Variants in JAK2 observed in about 807,000 individuals in gnomAD.
The protein encoded by JAK2 is Janus kinase 2.
Under a neutral mutation model 139.3 loss-of-function variants are expected in JAK2, and 86 were observed. The ratio of observed to expected loss-of-function variants is 0.62; its 90% confidence interval spans 0.52 to 0.74. The LOEUF (loss-of-function observed/expected upper bound fraction) is 0.74. Ranked by LOEUF, JAK2 falls within the 30% of genes least tolerant of loss-of-function variation. The probability of loss-of-function intolerance (pLI) is 0.00; values close to 1 mark genes in which losing one functional copy is unlikely to be tolerated. For missense variants in JAK2, 1,421 were observed against 1,360.3 expected (o/e 1.04, Z -0.70); for synonymous variants, 490 against 437.7 (o/e 1.12, Z -1.49).
intron 2 of JAK2, among the ~76,000 whole-genome samples, chr9:5,009,246 A>G (rs553457760): frequency 1.3e-5 from 2 of 152,180 alleles, no homozygotes; most frequent in African/African-American, 4.8e-5. Flanking sequence ...CGATCCATTT[A>G]TTTATTTCTA....
intron 2 of JAK2, among the ~76,000 whole-genome samples, chr9:4,993,474 A>G (rs1465916740): frequency 6.6e-6 from 1 of 152,220 alleles, no homozygotes; most frequent in Non-Finnish European, 1.5e-5. Flanking sequence ...AGCTAGAAGA[A>G]GCCAAATTGC....
chr9:4,997,147 G>A (rs567246178), intron 2 of JAK2, among the ~76,000 whole-genome samples: 1 of 151,920 alleles, frequency 6.6e-6, no homozygotes, highest in African/African-American at 2.4e-5. Flanking sequence ...ACTCAGTCTG[G>A]TCTTGAACTC....
intron 22 of JAK2, chr9:5,097,968 C>T (rs1004939264): frequency 1.2e-4 from 18 of 152,118 alleles, no homozygotes; most frequent in South Asian, 4.1e-4. Flanking sequence ...TCCGGTATGC[C>T]GCAACGTTAT....
At chr9:5,088,167 A>C (rs1820279704) in intron 19 of JAK2, among the ~76,000 whole-genome samples, 1 of 152,092 alleles carries the variant, frequency 6.6e-6, no homozygotes. Context: ...GTCCGCGGTC[A>C]CAGAGAGAGC....
rs531817751 is a variant in JAK2 at position 5,054,510 on chromosome 9, T to A, written c.615-53T>A. On this transcript the variant is annotated intron_variant, in intron 6 of 24. Transcript: ENST00000381652. The surrounding 1 kb of genome is among the most constrained non-coding windows in gnomAD (Gnocchi z 4.9). ...ACTTCTTTTTCAATTTTTAGATTTA[T>A]CTTCCAATTTTTGTTTTGTTTTGTT... is the stretch of plus-strand genomic sequence containing the variant. The A allele has an allele frequency of 1.4e-6, 2 of 1,410,780 alleles. No homozygotes were observed. Among genetic ancestry groups the A allele is most frequent in the Admixed American group, 4.5e-5 (2 of 44,426 alleles). 87.4% of individuals were successfully genotyped at this position (1,410,780 alleles called of 1,614,324 possible).
At chr9:5,116,760 G>A (rs1586831336) in intron 22 of JAK2, among the ~76,000 whole-genome samples, 1 of 152,174 alleles carries the variant, frequency 6.6e-6, no homozygotes. Context: ...AAAAGGAAAA[G>A]TTTGACGTGA....
intron 5 of JAK2, among the ~76,000 whole-genome samples, chr9:5,045,981 T>C (rs1816980165): frequency 6.6e-6 from 1 of 152,212 alleles, no homozygotes; most frequent in Non-Finnish European, 1.5e-5. Flanking sequence ...CTGTAGTGGC[T>C]GCACTATTTT....
At chr9:5,105,558 C>T (rs1821885228) in intron 22 of JAK2, among the ~76,000 whole-genome samples, 1 of 152,138 alleles carries the variant, frequency 6.6e-6, no homozygotes, top group Non-Finnish European at 1.5e-5. Context: ...GAACTGGAAA[C>T]AACTACTTTC....
chr9:5,043,218 G>A (rs1816747563), intron 4 of JAK2, among the ~76,000 whole-genome samples: 1 of 152,222 alleles, frequency 6.6e-6, no homozygotes, highest in South Asian at 2.1e-4. Flanking sequence ...GCCCAGGGCG[G>A]TGGCCGTGAG....
chr9:5,052,436 G>A (rs1054829991), intron 6 of JAK2, among the ~76,000 whole-genome samples: 1 of 151,966 alleles, frequency 6.6e-6, no homozygotes, highest in African/African-American at 2.4e-5. Flanking sequence ...TTTAAAAATA[G>A]TGTAGATATT....
At chr9:4,995,206 A>T (rs546959457) in intron 2 of JAK2, among the ~76,000 whole-genome samples, 2 of 152,060 alleles carry the variant, frequency 1.3e-5, no homozygotes, top group Non-Finnish European at 2.9e-5. Context: ...ATCTTGGCCC[A>T]CTTTCTATTG....
At chr9:5,088,780 G>A (rs1820323805) in intron 19 of JAK2, among the ~76,000 whole-genome samples, 1 of 152,202 alleles carries the variant, frequency 6.6e-6, no homozygotes, top group Non-Finnish European at 1.5e-5. Flanking sequence ...GGGAGAGAGA[G>A]ATTGCTCTAA....
At chr9:5,067,505 AT>A (rs1818650745) in intron 10 of JAK2, among the ~76,000 whole-genome samples, 1 of 152,082 alleles carries the variant, frequency 6.6e-6, no homozygotes, top group African/African-American at 2.4e-5. Flanking sequence ...TGCAACTTAT[AT>A]TTGGCATATG....
At chr9:4,993,048 CA>C (rs1167694455) in intron 2 of JAK2, among the ~76,000 whole-genome samples, 7 of 152,276 alleles carry the variant, frequency 4.6e-5, no homozygotes, top group Admixed American at 4.6e-4. Flanking sequence ...CTCCAGAGTC[CA>C]AAGGCCCCCT....
chr9:4,987,308 A>C (rs1411735179), intron 2 of JAK2, among the ~76,000 whole-genome samples: 2 of 152,160 alleles, frequency 1.3e-5, no homozygotes, highest in Non-Finnish European at 2.9e-5. Context: ...AGATATGGGA[A>C]GGGAATATGA....
At chr9:5,026,895 T>C (rs988291886) in intron 3 of JAK2, among the ~76,000 whole-genome samples, 1 of 152,248 alleles carries the variant, frequency 6.6e-6, no homozygotes, top group Non-Finnish European at 1.5e-5. Context: ...TAAGTTGATA[T>C]TTAAAATTTT....
At chr9:5,086,285 G>T (rs1367531132) in intron 19 of JAK2, among the ~76,000 whole-genome samples, 1 of 152,154 alleles carries the variant, frequency 6.6e-6, no homozygotes, top group Admixed American at 6.5e-5. Flanking sequence ...CTCCTGCCAG[G>T]ACCTGGAGCC....
intron 2 of JAK2, among the ~76,000 whole-genome samples, chr9:5,019,746 G>A (rs950184240): frequency 1.3e-5 from 2 of 152,098 alleles, no homozygotes; most frequent in African/African-American, 2.4e-5. Flanking sequence ...GGGCACTTTG[G>A]GTTTGAATCT....
intron 22 of JAK2, among the ~76,000 whole-genome samples, chr9:5,122,328 G>A (rs1221956891): frequency 6.6e-6 from 1 of 152,104 alleles, no homozygotes; most frequent in African/African-American, 2.4e-5. Context: ...CCATTGCTGT[G>A]ACTTTTTCCT....
Sources: allele counts gnomAD v4.1 joint callset (sites outside exome capture counted in the v4.1 genomes callset), GRCh38; gene constraint gnomAD v4.1.1; non-coding constraint Gnocchi (gnomAD v3.1); transcripts MANE v1.5; gene names NCBI Gene and HGNC (gene_info 2026-07-23, HGNC 2026-07-21).